KMT2C: variants seen among roughly 807,000 people sequenced by gnomAD.
KMT2C encodes the protein lysine methyltransferase 2C.
In KMT2C, 88 loss-of-function variants were observed where a neutral mutation model predicts 507.9. The ratio of observed to expected loss-of-function variants is 0.17; its 90% CI spans 0.15 to 0.21. KMT2C has a LOEUF of 0.21. KMT2C is among the 10% of genes least tolerant of loss of function. The pLI is 1.00. For synonymous variants in KMT2C, 2,049 were observed against 2,080.8 expected, an observed-to-expected ratio of 0.98 and a Z score of 0.42; for missense variants, 4,954 against 5,957.8, an observed-to-expected ratio of 0.83 and a Z score of 5.55.
Position 152,292,936 on chromosome 7 carries a change from G to T in KMT2C, c.849+17030C>A, listed in dbSNP as rs1173160385. Among the ~76,000 whole-genome samples the T allele has an allele frequency of 5.3e-5, 8 of 152,078 alleles. No homozygotes were observed. In the East Asian group the frequency reaches 1.5e-3, roughly 29 times the overall value. ...GTCCTCACCACTCTTCTAGTTTTCT[G>T]ATCCCTTAAATATTTATTTGAAACA... is the stretch of plus-strand genomic sequence containing the variant. On this transcript the variant is annotated intron_variant, in intron 6 of 58. Coordinates refer to ENST00000262189, the MANE Select transcript of KMT2C (RefSeq NM_170606.3).
chr7:152,308,673 C>CAAAGAAAAAAAAAAAA (rs2096641907), intron 6 of KMT2C, among the ~76,000 whole-genome samples: 3 of 24,558 alleles, frequency 1.2e-4, no homozygotes, highest in Non-Finnish European at 2.3e-4. Context: ...AAACTCCTCT[C>CAAAGAAAAAAAAAAAA]AAAAAAAAAA....
intron 15 of KMT2C, 116 bp from the exon 16 acceptor site, chr7:152,236,049 A>G: frequency 1.6e-6 from 1 of 614,708 alleles, no homozygotes; most frequent in East Asian, 2.9e-5. Context: ...TTCCTTAGAT[A>G]AGTATTAAGA....
chr7:152,299,405 G>A (rs1363209485), intron 6 of KMT2C, among the ~76,000 whole-genome samples: 2 of 152,064 alleles, frequency 1.3e-5, no homozygotes, highest in East Asian at 3.9e-4. Flanking sequence ...TGTAATCCCA[G>A]CACTCTGGGT....
At chr7:152,289,398 T>C (rs985061491) in intron 6 of KMT2C, among the ~76,000 whole-genome samples, 4 of 152,166 alleles carry the variant, frequency 2.6e-5, no homozygotes, top group Admixed American at 2.6e-4. Context: ...ATACACATCT[T>C]TTAATTATCT....
In KMT2C at chr7:152,367,047, CTTTCTTGA is replaced by C. The variant is rs1333513621; in HGVS notation, c.162-8380_162-8373del. The stretch of plus-strand genomic sequence containing the variant: ...TCTTGCTCTTGCGGAATCCACAGGT[CTTTCTTGA>C]AGAAATCTGTAGTCAGAACTCTGTG... On this transcript the variant is annotated intron_variant, in intron 1 of 58. Coordinates refer to ENST00000262189, the MANE Select transcript of KMT2C (RefSeq NM_170606.3). 4 of 649,558 alleles carry C rather than the reference CTTTCTTGA, an allele frequency of 6.2e-6. No individual in the cohort carries two copies. The Admixed American group carries it at 1.1e-4, about 17-fold the overall frequency. 40.2% of individuals were successfully genotyped at this position (649,558 alleles called of 1,614,324 possible). A position where few individuals can be genotyped will look rare whatever the true frequency, so the allele number is the denominator to read the frequency against.
intron 13 of KMT2C, among the ~76,000 whole-genome samples, chr7:152,249,640 T>G (rs1402825677): frequency 1.7e-5 from 1 of 60,170 alleles, no homozygotes; most frequent in African/African-American, 5.6e-5. Flanking sequence ...GATCTGAAAG[T>G]ACAAAATATT....
intron 2 of KMT2C, among the ~76,000 whole-genome samples, chr7:152,352,360 C>T (rs1424865484): frequency 6.6e-6 from 1 of 152,178 alleles, no homozygotes; most frequent in East Asian, 1.9e-4. Context: ...TCGCCCTGGT[C>T]CTGTGGTCCT....
Position 152,181,846 on chromosome 7 carries a change from T to C in KMT2C, c.6014A>G (p.Asp2005Gly), listed in dbSNP as rs1214540090. The C allele has an allele frequency of 3.1e-6, 5 of 1,614,058 alleles. No individual in the cohort carries two copies. The highest frequency in any genetic ancestry group is 4.2e-6 in the Non-Finnish European group (5 of 1,180,042). Residue 2005 changes from aspartate (D) to glycine (G), a missense_variant, in exon 36 of 59, where the codon GAT becomes GGT. Around this residue, in one of 29 missense-constraint regions of KMT2C, gnomAD observed 1,689 missense variants for 1,654.3 expected, o/e 1.02. Transcript: ENST00000262189. ...AKGPIAAGTS[D>G]HFTKPSPRAD... is the part of the protein sequence containing the mutation. ...CCTAGGAGATGGTTTAGTAAAGTGA[T>C]CACTGGTTCCAGCTGCTATAGGGCC...
intron 6 of KMT2C, among the ~76,000 whole-genome samples, chr7:152,303,180 ACAAT>A (rs1403497663): frequency 1.3e-5 from 2 of 152,228 alleles, no homozygotes; most frequent in African/African-American, 4.8e-5. Context: ...AAAACTAAAA[ACAAT>A]CTGAGGTATG....
At position 152,302,845 on chromosome 7, in the gene KMT2C, T is replaced by C. The variant is rs567889026; in HGVS notation, c.849+7121A>G. ...TTTTAGTAGAGACAGGGTTTTGCCA[T>C]GTTGGTTAGGCTGGTCTCGAACTCC... On this transcript the variant is annotated intron_variant, in intron 6 of 58. Transcript: ENST00000262189. Among the ~76,000 whole-genome samples the C allele has an allele frequency of 5.3e-5, 8 of 151,870 alleles. No individual in the cohort carries two copies. The South Asian group carries it at 1.7e-3, about 32-fold the overall frequency.
chr7:152,419,559 G>C (rs575513380), intron 1 of KMT2C, among the ~76,000 whole-genome samples: 1 of 152,258 alleles, frequency 6.6e-6, no homozygotes, highest in Admixed American at 6.5e-5. Flanking sequence ...TTTTACAGTT[G>C]TTGCCGGTTA....
In KMT2C at chr7:152,215,465, G is replaced by C. The variant is rs1482567369; in HGVS notation, c.3712+5058C>G. ...GGAGGCGGAGCTTGCAGTGAGCAAAGATCGTGCCACTGCACTCCAGCCTGG... is the reference window on the plus strand; with the variant it reads ...GGAGGCGGAGCTTGCAGTGAGCAAACATCGTGCCACTGCACTCCAGCCTGG... On this transcript the variant is annotated intron_variant, in intron 23 of 58. Transcript: ENST00000262189. Among the ~76,000 whole-genome samples, 12 of 121,378 alleles carry C rather than the reference G, an allele frequency of 9.9e-5. No individual in the cohort carries two copies. The Admixed American group carries it at 1.2e-3, about 12-fold the overall frequency. The allele number at this position is 121,378 out of a possible 152,430, so 79.6% of individuals were successfully genotyped here.
intron 23 of KMT2C, among the ~76,000 whole-genome samples, chr7:152,214,728 T>G (rs867836292): frequency 2.6e-5 from 4 of 151,280 alleles, no homozygotes; most frequent in African/African-American, 7.3e-5. Context: ...TCTCACTTAA[T>G]AAGCAGAATG....
intron 1 of KMT2C, among the ~76,000 whole-genome samples, chr7:152,413,117 A>G (rs1015761295): frequency 6.6e-6 from 1 of 152,186 alleles, no homozygotes; most frequent in Non-Finnish European, 1.5e-5. Context: ...TTCATTCATT[A>G]TAACAATTTC....
chr7:152,259,489 C>CACACAG (rs1475340079), intron 9 of KMT2C, among the ~76,000 whole-genome samples: 13 of 113,884 alleles, frequency 1.1e-4, no homozygotes, highest in African/African-American at 3.2e-4. Context: ...CACACACACA[C>CACACAG]AGAGAAAGCA....
chr7:152,256,334 A>T (rs2095661763), intron 9 of KMT2C, among the ~76,000 whole-genome samples: 1 of 152,108 alleles, frequency 6.6e-6, no homozygotes, highest in Admixed American at 6.6e-5. Context: ...TGGCAAAAAA[A>T]AAATAATAAA....
At chr7:152,231,452 A>C (rs76594388) in intron 16 of KMT2C, among the ~76,000 whole-genome samples, 3,454 of 78,786 alleles carry the variant, frequency 0.044, no homozygotes, top group Admixed American at 0.046. Context: ...CAAAACATAA[A>C]ACAACTGAAT....
At chr7:152,391,334 C>T (rs994565548) in intron 1 of KMT2C, among the ~76,000 whole-genome samples, 1 of 137,938 alleles carries the variant, frequency 7.2e-6, no homozygotes. Context: ...CCTCCGCCTC[C>T]CGGGTGCAAG....
intron 3 of KMT2C, among the ~76,000 whole-genome samples, chr7:152,329,119 G>A (rs1402636662): frequency 6.6e-6 from 1 of 152,108 alleles, no homozygotes; most frequent in Non-Finnish European, 1.5e-5. Flanking sequence ...TTCTTTCCCA[G>A]GGAGTGAACA....
Sources: allele counts gnomAD v4.1 joint callset (sites outside exome capture counted in the v4.1 genomes callset), GRCh38; gene constraint gnomAD v4.1.1; regional missense constraint gnomAD v4.1.1; transcripts MANE v1.5; gene names NCBI Gene and HGNC (gene_info 2026-07-23, HGNC 2026-07-21).